Variants in CCDC30 observed in about 807,000 individuals in gnomAD.
CCDC30 encodes coiled-coil domain-containing protein 30.
In CCDC30, 70 loss-of-function variants were observed where a neutral mutation model predicts 100.2. That is an observed-to-expected ratio of 0.70 (90% CI 0.58 to 0.85). The LOEUF is 0.85. CCDC30 is among the 40% of genes least tolerant of loss of function. The probability of loss-of-function intolerance (pLI) is 0.00; values close to 1 mark genes in which losing one functional copy is unlikely to be tolerated. For synonymous variants in CCDC30, 233 were observed against 269.5 expected, an observed-to-expected ratio of 0.86 and a Z score of 1.33; for missense variants, 652 against 771.2, an observed-to-expected ratio of 0.85 and a Z score of 1.83.
exon 1 of CCDC30, chr1:42,463,319 G>A (rs1368449094): frequency 8.5e-5 from 13 of 152,266 alleles, no homozygotes; most frequent in Admixed American, 7.2e-4. Flanking sequence ...GGCACCTGCA[G>A]CTAGCAGCTG....
chr1:42,640,632 G>A (rs1289183333), intron 12 of CCDC30, among the ~76,000 whole-genome samples: 1 of 152,102 alleles, frequency 6.6e-6, no homozygotes, highest in Non-Finnish European at 1.5e-5. Flanking sequence ...GGTGGCTCAT[G>A]CCTGTAATTC....
At chr1:42,516,116 G>C (rs1218278438) in intron 6 of CCDC30, among the ~76,000 whole-genome samples, 1 of 152,186 alleles carries the variant, frequency 6.6e-6, no homozygotes, top group East Asian at 1.9e-4. Context: ...TTGAGGAACT[G>C]TCATACTATT....
chr1:42,463,781 C>A (rs940464018), exon 1 of CCDC30: 4 of 152,076 alleles, frequency 2.6e-5, no homozygotes, highest in African/African-American at 9.7e-5. Context: ...TACGTGTAGG[C>A]CCGCGAACAA....
chr1:42,617,186 C>A (rs1646741735), intron 11 of CCDC30, among the ~76,000 whole-genome samples: 1 of 152,126 alleles, frequency 6.6e-6, no homozygotes, highest in South Asian at 2.1e-4. Flanking sequence ...CACCTGTAAT[C>A]CCAGCACTTT....
chr1:42,487,131 A>G (rs1052180434), intron 3 of CCDC30, among the ~76,000 whole-genome samples: 11 of 143,768 alleles, frequency 7.7e-5, no homozygotes, highest in African/African-American at 2.6e-4. Flanking sequence ...AAAAAAAAAA[A>G]AAGGAAAGTA....
intron 6 of CCDC30, among the ~76,000 whole-genome samples, chr1:42,532,726 T>C (rs1208793144): frequency 6.6e-6 from 1 of 152,228 alleles, no homozygotes; most frequent in Non-Finnish European, 1.5e-5. Flanking sequence ...CTGGTCGTTA[T>C]GAGAGCGTAT....
intron 6 of CCDC30, among the ~76,000 whole-genome samples, chr1:42,519,671 G>T (rs1420289628): frequency 6.6e-6 from 1 of 151,706 alleles, no homozygotes; most frequent in Non-Finnish European, 1.5e-5. Flanking sequence ...CCTGCCTCAG[G>T]CTCCCAAGTA....
chr1:42,500,267 C>T (rs1317243555), intron 6 of CCDC30: 7 of 1,610,774 alleles, frequency 4.3e-6, no homozygotes, highest in East Asian at 2.2e-5. Flanking sequence ...GGATTTTTCT[C>T]TTGCGTCTCT....
At chr1:42,624,386 T>C (rs913949265) in intron 11 of CCDC30, among the ~76,000 whole-genome samples, 1 of 152,216 alleles carries the variant, frequency 6.6e-6, no homozygotes, top group Admixed American at 6.5e-5. Flanking sequence ...CATTGATTGA[T>C]TTGTGTATGT....
chr1:42,591,139 A>G (rs1282126775), intron 10 of CCDC30: 1 of 152,274 alleles, frequency 6.6e-6, no homozygotes. Context: ...CAGCCTGGCC[A>G]TGTGGCAGAG....
In CCDC30 at chr1:42,596,707, G is replaced by GA. The variant is rs1217459538; in HGVS notation, c.1164+7230dup. 6.0e-5 allele frequency among the ~76,000 whole-genome samples: 9 copies of GA among 150,892 alleles called. No homozygotes were observed. In the East Asian group the frequency reaches 1.7e-3, roughly 29 times the overall value. Reference sequence around the variant, plus strand: ...TCACTGCATCATGTTTCGCTATCAAGAAAAAATTACAAGACACGCTAAAAG... The same window carrying GA: ...TCACTGCATCATGTTTCGCTATCAAGAAAAAAATTACAAGACACGCTAAAAG... On this transcript the variant is annotated intron_variant, in intron 10 of 16. Coordinates refer to ENST00000668663, the Ensembl canonical transcript of CCDC30. This position sits in a 1 kb window ranked among gnomAD's most constrained non-coding sequence, Gnocchi z 4.3.
At chr1:42,523,484 A>G (rs185242017) in intron 6 of CCDC30, among the ~76,000 whole-genome samples, 1 of 152,216 alleles carries the variant, frequency 6.6e-6, no homozygotes, top group East Asian at 1.9e-4. Flanking sequence ...CTTGTGTGTG[A>G]TAAGTTGCTT....
At chr1:42,590,604 G>T (rs1386119330) in intron 10 of CCDC30, 7 of 152,268 alleles carry the variant, frequency 4.6e-5, no homozygotes, top group African/African-American at 1.7e-4. Context: ...AGATATGGTG[G>T]CATGGACCTG....
At chr1:42,612,808 TA>T (rs1646651055) in intron 11 of CCDC30, among the ~76,000 whole-genome samples, 1 of 152,232 alleles carries the variant, frequency 6.6e-6, no homozygotes, top group African/African-American at 2.4e-5. Flanking sequence ...CAAAACAGTT[TA>T]GGTTAATCCT....
rs188379410 is a variant in CCDC30 at position 42,481,928 on chromosome 1, A to G, written c.16-735A>G. ...GAACACAGTACAGCCTTTAAAAATT[A>G]TCATTACAAGCTGGGTGCGGTGGCT... On this transcript the variant is annotated intron_variant, in intron 2 of 16. Coordinates refer to ENST00000668663, the Ensembl canonical transcript of CCDC30. 2.4e-4 allele frequency among the ~76,000 whole-genome samples: 37 copies of G among 152,268 alleles called. No homozygotes were observed. The East Asian group carries it at 6.6e-3, about 27-fold the overall frequency.
At chr1:42,549,956 G>A (rs1645216194) in intron 6 of CCDC30, among the ~76,000 whole-genome samples, 1 of 152,154 alleles carries the variant, frequency 6.6e-6, no homozygotes, top group African/African-American at 2.4e-5. Context: ...AGGGTTGTTT[G>A]ATAAGTGTTC....
intron 4 of CCDC30, among the ~76,000 whole-genome samples, chr1:42,492,810 C>A (rs985706297): frequency 2.6e-5 from 4 of 152,032 alleles, no homozygotes; most frequent in Non-Finnish European, 5.9e-5. Flanking sequence ...CCATGCCCAG[C>A]TAATTTTTGT....
intron 11 of CCDC30, among the ~76,000 whole-genome samples, chr1:42,628,488 G>T (rs1341249568): frequency 2.0e-5 from 3 of 152,142 alleles, no homozygotes; most frequent in African/African-American, 7.2e-5. Context: ...GGGGCAGAAT[G>T]ATATGGTTTG....
At chr1:42,613,293 C>T (rs1308154102) in intron 11 of CCDC30, among the ~76,000 whole-genome samples, 1 of 152,130 alleles carries the variant, frequency 6.6e-6, no homozygotes, top group Non-Finnish European at 1.5e-5. Context: ...CTCGCTCTGT[C>T]GCCCAGGCTG....
Sources: allele counts gnomAD v4.1 joint callset (sites outside exome capture counted in the v4.1 genomes callset), GRCh38; gene constraint gnomAD v4.1.1; non-coding constraint Gnocchi (gnomAD v3.1); transcripts MANE v1.5; gene names NCBI Gene and HGNC (gene_info 2026-07-23, HGNC 2026-07-21).